Variants in ANK1 observed in about 807,000 individuals in gnomAD.
ANK1 encodes ankyrin 1, also known as ankyrin-1.
In ANK1, 51 loss-of-function variants were observed where a neutral mutation model predicts 210.4. The ratio of observed to expected loss-of-function variants is 0.24; its 90% CI spans 0.19 to 0.31. The LOEUF (loss-of-function observed/expected upper bound fraction) is 0.31. Ranked by LOEUF, ANK1 falls within the 10% of genes least tolerant of loss-of-function variation. The pLI, the probability that ANK1 is intolerant of heterozygous loss-of-function variation, is 1.00. For missense variants in ANK1, 2,051 were observed against 2,504.4 expected, an observed-to-expected ratio of 0.82 and a Z score of 3.86; for synonymous variants, 967 against 1,025.9, an observed-to-expected ratio of 0.94 and a Z score of 1.10.
intron 1 of ANK1, among the ~76,000 whole-genome samples, chr8:41,776,859 G>T (rs571262645): frequency 6.6e-6 from 1 of 152,322 alleles, no homozygotes; most frequent in African/African-American, 2.4e-5. Context: ...GCTACCACTC[G>T]AAAACACCTT....
chr8:41,827,633 T>TAC (rs1158019681), intron 1 of ANK1, among the ~76,000 whole-genome samples: 3 of 151,802 alleles, frequency 2.0e-5, no homozygotes, highest in Non-Finnish European at 4.4e-5. Context: ...TTCACACACA[T>TAC]ACACACACAC....
intron 2 of ANK1, among the ~76,000 whole-genome samples, chr8:41,740,922 C>G (rs1395050771): frequency 1.3e-5 from 2 of 152,210 alleles, no homozygotes; most frequent in Non-Finnish European, 2.9e-5. Context: ...TACAGGTAGG[C>G]TGGGCTGGCT....
At chr8:41,692,990 C>CA in intron 30 of ANK1, 114 bp from the exon 31 acceptor site, 5 of 1,512,702 alleles carry the variant, frequency 3.3e-6, no homozygotes, top group Middle Eastern at 3.4e-4. Context: ...CACCTGTGGT[C>CA]ACGGAGGCTT....
intron 1 of ANK1, among the ~76,000 whole-genome samples, chr8:41,773,594 AC>A: frequency 6.6e-6 from 1 of 152,296 alleles, no homozygotes; most frequent in East Asian, 1.9e-4. Context: ...GGTTTTGCAC[AC>A]CGGGTCTCTT....
chr8:41,773,165 C>G (rs1843286748), intron 1 of ANK1, among the ~76,000 whole-genome samples: 1 of 151,902 alleles, frequency 6.6e-6, no homozygotes. Context: ...GTAGGGAGTG[C>G]CCAGTGGTCA....
rs779418196 is a variant in ANK1 at position 41,672,627 on chromosome 8, T to G, written c.4823A>C (p.Glu1608Ala). 6.2e-7 allele frequency: 1 copy of G among 1,614,232 alleles called. No homozygotes were observed. Among genetic ancestry groups the G allele is most frequent in the East Asian group, 2.2e-5 (1 of 44,888 alleles). Residue 1608 changes from glutamate to alanine, a missense_variant, in exon 38 of 43, where the codon GAG becomes GCG. Transcript: ENST00000289734. The stretch of plus-strand genomic sequence containing the variant: ...GCCCAACTCGGGGCCCCGCGGTTCC[T>G]CTGAGAGTGCCCCCTCCAACTTCCA... The part of the protein sequence containing the change: ...HEWKLEGALS[E>A]EPRGPELGSL...
Position 41,696,543 on chromosome 8 carries a change from C to T in ANK1, c.2780G>A (p.Arg927Lys). 6.2e-7 allele frequency: 1 copy of T among 1,613,974 alleles called. No individual in the cohort carries two copies. The highest frequency in any genetic ancestry group is 8.5e-7 in the Non-Finnish European group (1 of 1,180,036). The change falls in exon 26 of 43, where the codon AGA (arginine) becomes AAA (lysine). Residue 927 changes from arginine (R) to lysine (K), a missense_variant. Coordinates refer to ENST00000289734, the MANE Select transcript of ANK1 (RefSeq NM_000037.4). ...TCGCAGGCCGTTGTGGCGACTTCCT[C>T]TCATGGAACCACCCCGGGCGTCAAC... ...FMVDARGGSM[R>K]GSRHNGLRVV...
At chr8:41,701,716 C>G (rs879067142) in intron 21 of ANK1, 94 bp from the exon 22 acceptor site, 24 of 1,302,554 alleles carry the variant, frequency 1.8e-5, no homozygotes, top group South Asian at 6.1e-5. Context: ...TGTGGGGTTT[C>G]CCACAAATGA....
chr8:41,734,095 G>A, intron 2 of ANK1, 26 bp from the exon 3 acceptor site: 2 of 1,596,238 alleles, frequency 1.3e-6, no homozygotes, highest in Non-Finnish European at 1.7e-6. Flanking sequence ...AGGCGGGAAG[G>A]GCATGGTTAG....
intron 1 of ANK1, among the ~76,000 whole-genome samples, chr8:41,836,287 C>A (rs1807694745): frequency 1.3e-5 from 2 of 152,248 alleles, no homozygotes; most frequent in African/African-American, 4.8e-5. Context: ...AGAAAAAACA[C>A]CCCTCCATGC....
chr8:41,852,712 G>A (rs192615874), intron 1 of ANK1, among the ~76,000 whole-genome samples: 4 of 152,350 alleles, frequency 2.6e-5, no homozygotes, highest in East Asian at 1.9e-4. Context: ...ACCACGGTCC[G>A]ATGATTTATC....
At chr8:41,665,225 C>G (rs1382048092) in intron 39 of ANK1, 3 of 1,520,788 alleles carry the variant, frequency 2.0e-6, no homozygotes, top group Non-Finnish European at 2.6e-6. Context: ...TCGGCTGAAG[C>G]AGCCCGGCCC....
intron 1 of ANK1, among the ~76,000 whole-genome samples, chr8:41,840,839 G>A (rs1187610050): frequency 2.0e-5 from 3 of 152,194 alleles, no homozygotes; most frequent in African/African-American, 4.8e-5. Flanking sequence ...TGGCCCGCTT[G>A]AAACGTCGGT....
intron 1 of ANK1, among the ~76,000 whole-genome samples, chr8:41,882,356 C>T (rs1817739481): frequency 6.6e-6 from 1 of 152,104 alleles, no homozygotes; most frequent in Non-Finnish European, 1.5e-5. Context: ...TAGAGGGTTC[C>T]AGCTCAACAG....
chr8:41,842,745 T>C (rs907961277), intron 1 of ANK1, among the ~76,000 whole-genome samples: 1 of 152,194 alleles, frequency 6.6e-6, no homozygotes. Context: ...GGGCTGGGCA[T>C]TGGAAGGCGT....
At chr8:41,663,815 A>C in intron 39 of ANK1, 73 bp from the exon 40 acceptor site, 2 of 1,241,470 alleles carry the variant, frequency 1.6e-6, no homozygotes, top group Non-Finnish European at 2.4e-6. Context: ...AGGACGAGGA[A>C]ATGAAACAGC....
Position 41,672,604 on chromosome 8 carries a change from C to T in ANK1, c.4846G>A (p.Gly1616Ser). 6.2e-7 allele frequency: 1 copy of T among 1,614,228 alleles called. No individual in the cohort carries two copies. The highest frequency in any genetic ancestry group is 2.2e-5 in the East Asian group (1 of 44,880). Residue 1616 changes from glycine to serine, a missense_variant, in exon 38 of 43, where the codon GGC becomes AGC. By Grantham distance (56) the Gly-to-Ser change is moderately conservative. Around this residue, in one of 6 missense-constraint regions of ANK1, gnomAD observed 496 missense variants for 533.4 expected, o/e 0.93. Coordinates refer to ENST00000289734, the MANE Select transcript of ANK1 (RefSeq NM_000037.4). ...LSEEPRGPEL[G>S]SLELVEDDTV... is the part of the protein sequence containing the mutation. Reference sequence around the variant, plus strand: ...TCGTCCTCCACAAGTTCCAGAGAGCCCAACTCGGGGCCCCGCGGTTCCTCT... The same window carrying T: ...TCGTCCTCCACAAGTTCCAGAGAGCTCAACTCGGGGCCCCGCGGTTCCTCT...
chr8:41,694,672 G>C lies in ANK1; in HGVS notation c.3247C>G (p.Leu1083Val). The change falls in exon 28 of 43, where the codon CTG becomes GTG. Residue 1083 changes from leucine to valine, a missense_variant. This residue lies in a region of ANK1 where 1,413 missense variants were observed against 1,707.4 expected (regional missense o/e 0.83). Transcript: ENST00000289734. The surrounding 1 kb of genome is among the most constrained non-coding windows in gnomAD (Gnocchi z 5.7). ...ACCAGGGGCACCAGCTTGCTCTTCA[G>C]GGAGCCCCCTTCGGGACCGATGGTG... is the stretch of plus-strand genomic sequence containing the variant. ...YDTIGPEGGS[L>V]KSKLVPLVQA... 1.2e-6 allele frequency: 2 copies of C among 1,614,096 alleles called. No individual in the cohort carries two copies. The highest frequency in any genetic ancestry group is 4.5e-5 in the East Asian group (2 of 44,876).
rs371047638 is a variant in ANK1, at chr8:41,688,578, G to A, written c.4116C>T (p.Ala1372=). The A allele has an allele frequency of 2.9e-5, 47 of 1,613,962 alleles. No individual in the cohort carries two copies. The African/African-American group carries it at 5.1e-4, about 17-fold the overall frequency. Residue 1372 remains alanine (A), a synonymous_variant, in exon 34 of 43, where the codon GCC becomes GCT. Transcript: ENST00000289734. ...TMPPCAKGSG[A]EDRRRTPTPL... ...GCGTCGGGGTCCTTCTCCTATCTTC[G>A]GCTCCACTTCCCTGCAGAAGAAGAA...
Sources: allele counts gnomAD v4.1 joint callset (sites outside exome capture counted in the v4.1 genomes callset), GRCh38; gene constraint gnomAD v4.1.1; regional missense constraint gnomAD v4.1.1; non-coding constraint Gnocchi (gnomAD v3.1); transcripts MANE v1.5; gene names NCBI Gene and HGNC (gene_info 2026-07-23, HGNC 2026-07-21).